MORN1: variants seen among roughly 807,000 people sequenced by gnomAD.
MORN1 encodes MORN repeat-containing protein 1.
In MORN1, 67 loss-of-function variants were observed where a neutral mutation model predicts 61.9. The observed-to-expected ratio is 1.08, with a 90% CI of 0.89 to 1.33. The LOEUF (loss-of-function observed/expected upper bound fraction) is 1.33. Among genes scored for constraint, MORN1 ranks in the 40% most tolerant of loss-of-function variants. The pLI is 0.00. For missense variants in MORN1, 752 were observed against 691.2 expected (o/e 1.09, Z -0.99); for synonymous variants, 301 against 292.0 (o/e 1.03, Z -0.31).
chr1:2,354,145 C>T (rs1023076207), intron 10 of MORN1, among the ~76,000 whole-genome samples: 1 of 152,066 alleles, frequency 6.6e-6, no homozygotes, highest in African/African-American at 2.4e-5. Context: ...ATTAGTCGGG[C>T]GAGGTGTTAG....
In MORN1 at chr1:2,323,401, G is replaced by A. The variant is rs560765055; in HGVS notation, c.1297+696C>T. 5.8e-5 allele frequency: 57 copies of A among 985,400 alleles called. No individual in the cohort carries two copies. In the East Asian group the frequency reaches 4.8e-3, roughly 82 times the overall value. The allele number at this position is 985,400 out of a possible 1,614,324, so 61.0% of individuals were successfully genotyped here. A position where few individuals can be genotyped will look rare whatever the true frequency, so the allele number is the denominator to read the frequency against. On this transcript the variant is annotated intron_variant, in intron 13 of 13. Coordinates refer to ENST00000378531, the MANE Select transcript of MORN1 (RefSeq NM_024848.3). ...AGCCAGAACCCCAGAGACACCAGAC[G>A]AAGGGTCATTCATGTTGGCCCAGGT...
Position 2,325,128 on chromosome 1 carries a change from TTCCTTCCC to T in MORN1, c.1251-993_1251-986del, listed in dbSNP as rs1379611550. On this transcript the variant is annotated intron_variant, in intron 12 of 13. Coordinates refer to ENST00000378531, the MANE Select transcript of MORN1 (RefSeq NM_024848.3). ...CCTTTCCTTCCCTTCCTTCCCTTCC[TTCCTTCCC>T]TCCCTCCCTCCCTTCCTTCCCTCCC... 1.6e-3 allele frequency among the ~76,000 whole-genome samples: 137 copies of T among 87,956 alleles called. 5 individuals are homozygous for T. Among genetic ancestry groups the T allele is most frequent in the African/African-American group, 8.1e-3 (117 of 14,472 alleles). 57.7% of individuals were successfully genotyped at this position (87,956 alleles called of 152,430 possible). A position where few individuals can be genotyped will look rare whatever the true frequency, so the allele number is the denominator to read the frequency against.
chr1:2,324,881 G>T (rs1050557879), intron 12 of MORN1, among the ~76,000 whole-genome samples: 1 of 151,966 alleles, frequency 6.6e-6, no homozygotes, highest in African/African-American at 2.4e-5. Context: ...GCAGGGCCAT[G>T]GCCAGGCAGG....
intron 7 of MORN1, among the ~76,000 whole-genome samples, chr1:2,373,091 G>A (rs946309722): frequency 2.0e-5 from 3 of 152,248 alleles, no homozygotes; most frequent in South Asian, 2.1e-4. Flanking sequence ...GCAGGGCATC[G>A]CTGTGGGTGG....
At chr1:2,338,319 A>G (rs565881630) in intron 10 of MORN1, among the ~76,000 whole-genome samples, 9 of 152,310 alleles carry the variant, frequency 5.9e-5, no homozygotes, top group Non-Finnish European at 1.2e-4. Context: ...TTTAACTGAC[A>G]TCCTTCTCCC....
At position 2,357,587 on chromosome 1, in the gene MORN1, C is replaced by T; in HGVS notation, c.881G>A (p.Cys294Tyr). ...GGGGCTGGACACAGGATAAGGGATG[C>T]ATTCGAACCCACTGCAAAGGAATGG... ...TLIQTPFGFECIPYPVSSPAA... is the reference protein window; with the variant it reads ...TLIQTPFGFEYIPYPVSSPAA... The change falls in exon 10 of 14, where the codon TGC (cysteine) becomes TAC (tyrosine). Residue 294 changes from cysteine to tyrosine, a missense_variant. Transcript: ENST00000378531. The surrounding 1 kb of genome is among the most constrained non-coding windows in gnomAD (Gnocchi z 6.3). 6.3e-7 allele frequency: 1 copy of T among 1,592,788 alleles called. No homozygotes were observed. The highest frequency in any genetic ancestry group is 8.6e-7 in the Non-Finnish European group (1 of 1,167,448).
intron 5 of MORN1, chr1:2,385,568 T>G: frequency 2.7e-6 from 1 of 366,402 alleles, no homozygotes; most frequent in East Asian, 5.5e-5. Flanking sequence ...GGGGGATGTT[T>G]TATCTAAACA....
chr1:2,330,355 C>T (rs1360973046), intron 12 of MORN1, among the ~76,000 whole-genome samples: 1 of 152,244 alleles, frequency 6.6e-6, no homozygotes, highest in Non-Finnish European at 1.5e-5. Context: ...AGGCCATTCT[C>T]CTGGCTCCTG....
At chr1:2,336,411 G>C (rs1034471817) in intron 12 of MORN1, 58 bp downstream of exon 12, 4 of 1,549,564 alleles carry the variant, frequency 2.6e-6, no homozygotes, top group Non-Finnish European at 2.7e-6. Context: ...TGGCCCAGCT[G>C]ATGAGGAGGC....
chr1:2,385,209 T>G (rs1642465779), intron 5 of MORN1, 144 bp from the exon 6 acceptor site: 4 of 802,570 alleles, frequency 5.0e-6, no homozygotes, highest in Non-Finnish European at 3.9e-6. Context: ...CAAGAGCTCC[T>G]GCCTCGCCAG....
Position 2,322,792 on chromosome 1 carries a change from G to T in MORN1, c.1298-1213C>A, listed in dbSNP as rs1327347180. 7 of 985,474 alleles carry T rather than the reference G, an allele frequency of 7.1e-6. No homozygotes were observed. In the East Asian group the frequency reaches 5.7e-4, roughly 80 times the overall value. The allele number at this position is 985,474 out of a possible 1,614,324, so 61.0% of individuals were successfully genotyped here. A position where few individuals can be genotyped will look rare whatever the true frequency, so the allele number is the denominator to read the frequency against. On this transcript the variant is annotated intron_variant, in intron 13 of 13. Transcript: ENST00000378531. ...CGGGGGGCCGAGAGCTCAGTGGGCA[G>T]TGGCTGAGGAGCCCGGCCACAGGCC...
At chr1:2,362,200 C>G (rs951886920) in intron 8 of MORN1, among the ~76,000 whole-genome samples, 2 of 152,118 alleles carry the variant, frequency 1.3e-5, no homozygotes, top group African/African-American at 2.4e-5. Context: ...CCACTGCACT[C>G]CAGCCTGGGC....
intron 10 of MORN1, among the ~76,000 whole-genome samples, chr1:2,356,750 A>G (rs1440050982): frequency 6.6e-6 from 1 of 152,158 alleles, no homozygotes; most frequent in Non-Finnish European, 1.5e-5. Flanking sequence ...AATCGCACAC[A>G]CTGCTCACTG....
chr1:2,322,669 G>C, intron 13 of MORN1: 1 of 985,468 alleles, frequency 1.0e-6, no homozygotes, highest in Non-Finnish European at 1.2e-6. Context: ...GCGGGCGGAG[G>C]AAGAGCCCCA....
chr1:2,379,868 G>A (rs1200728571), intron 6 of MORN1, among the ~76,000 whole-genome samples: 4 of 152,170 alleles, frequency 2.6e-5, no homozygotes, highest in Admixed American at 6.5e-5. Flanking sequence ...ATCACCATCC[G>A]ATGCAGCAGT....
rs1641216723 is a variant in MORN1, at chr1:2,334,144, G to C, written c.1250+2325C>G. Reference sequence around the variant, plus strand: ...CACACAAACACCCAGATGGGTTGTGGGGGGTTTTGGCGGGGACAGAGCTGG... The same window carrying C: ...CACACAAACACCCAGATGGGTTGTGCGGGGTTTTGGCGGGGACAGAGCTGG... On this transcript the variant is annotated intron_variant, in intron 12 of 13. Transcript: ENST00000378531. This position sits in a 1 kb window ranked among gnomAD's most constrained non-coding sequence, Gnocchi z 5.4. Among the ~76,000 whole-genome samples, 1 of 152,122 alleles carries C rather than the reference G, an allele frequency of 6.6e-6. No homozygotes were observed. The highest frequency in any genetic ancestry group is 6.5e-5 in the Admixed American group (1 of 15,280).
At chr1:2,342,676 T>C (rs1641420676) in intron 10 of MORN1, among the ~76,000 whole-genome samples, 1 of 152,050 alleles carries the variant, frequency 6.6e-6, no homozygotes. Context: ...ACCGCAGACA[T>C]GGCTCTGCTG....
chr1:2,330,892 C>T (rs1394497977), intron 12 of MORN1, among the ~76,000 whole-genome samples: 1 of 152,238 alleles, frequency 6.6e-6, no homozygotes, highest in Non-Finnish European at 1.5e-5. Context: ...AAGTCATGGC[C>T]ACGTTGATTA....
rs1410981539 is a variant in MORN1 at position 2,357,470 on chromosome 1, G to T, written c.998C>A (p.Ala333Asp). 20 of 1,611,866 alleles carry T rather than the reference G, an allele frequency of 1.2e-5. No homozygotes were observed. In the Admixed American group the frequency reaches 2.2e-4, roughly 17 times the overall value. Residue 333 changes from alanine (A) to aspartate (D), a missense_variant, in exon 10 of 14, where the codon GCC becomes GAC. By Grantham distance (126) the Ala-to-Asp change is moderately radical. Transcript: ENST00000378531. The surrounding 1 kb of genome is among the most constrained non-coding windows in gnomAD (Gnocchi z 6.3). ...AGGGGTGTCCTCCTGGCCATGGAGG[G>T]CACCCAAATGCAGCTCCAGGTCTCC... ...PRGDLELHLG[A>D]LHGQEDTPGG...
Sources: allele counts gnomAD v4.1 joint callset (sites outside exome capture counted in the v4.1 genomes callset), GRCh38; gene constraint gnomAD v4.1.1; non-coding constraint Gnocchi (gnomAD v3.1); transcripts MANE v1.5; gene names NCBI Gene and HGNC (gene_info 2026-07-23, HGNC 2026-07-21).